Variants in ENTREP2 observed in about 807,000 individuals in gnomAD.
The protein encoded by ENTREP2 is endosomal transmembrane epsin interactor 2.
the ENTREP2 span, among the ~76,000 whole-genome samples, chr15:29,279,315 A>G: frequency 6.6e-6 from 1 of 151,918 alleles, no homozygotes; most frequent in Admixed American, 6.6e-5. Flanking sequence ...GGTCCCTTCC[A>G]TCTCCATATG....
chr15:29,170,272 C>A, the ENTREP2 span, among the ~76,000 whole-genome samples: 1 of 133,692 alleles, frequency 7.5e-6, no homozygotes, highest in South Asian at 2.4e-4. Flanking sequence ...CGTGCCACTG[C>A]ACTCCAGCCT....
the ENTREP2 span, among the ~76,000 whole-genome samples, chr15:29,593,128 T>C: frequency 6.6e-6 from 1 of 152,192 alleles, no homozygotes; most frequent in African/African-American, 2.4e-5. Context: ...TCCAGATCTG[T>C]TACTTACTAG....
chr15:29,552,557 G>A, the ENTREP2 span, among the ~76,000 whole-genome samples: 1 of 151,626 alleles, frequency 6.6e-6, no homozygotes, highest in Non-Finnish European at 1.5e-5. Flanking sequence ...AACATAACAA[G>A]ACCCCATCTC....
At chr15:29,521,242 T>C in the ENTREP2 span, among the ~76,000 whole-genome samples, 1 of 152,210 alleles carries the variant, frequency 6.6e-6, no homozygotes, top group South Asian at 2.1e-4. Flanking sequence ...ACAGAGTTAG[T>C]GTAATTCCAA....
the ENTREP2 span, among the ~76,000 whole-genome samples, chr15:29,160,688 G>T: frequency 8.4e-6 from 1 of 119,482 alleles, no homozygotes; most frequent in Non-Finnish European, 1.6e-5. Context: ...CAGCCTGGGT[G>T]ACAGAGTGAG....
the ENTREP2 span, among the ~76,000 whole-genome samples, chr15:29,549,026 A>G: frequency 2.7e-3 from 404 of 152,328 alleles, 5 homozygotes; most frequent in African/African-American, 9.4e-3. Flanking sequence ...GCTGAGCTCC[A>G]GTTAACTGCA....
the ENTREP2 span, among the ~76,000 whole-genome samples, chr15:29,436,495 G>A: frequency 6.6e-6 from 1 of 152,280 alleles, no homozygotes; most frequent in South Asian, 2.1e-4. Context: ...TCTGTGAGCA[G>A]AGATTTCTTT....
At chr15:29,349,923 T>C in the ENTREP2 span, among the ~76,000 whole-genome samples, 1 of 151,868 alleles carries the variant, frequency 6.6e-6, no homozygotes, top group Admixed American at 6.6e-5. Context: ...TAAATAAAAA[T>C]AATAATTAAT....
chr15:29,161,559 G>C, the ENTREP2 span, among the ~76,000 whole-genome samples: 8 of 152,188 alleles, frequency 5.3e-5, no homozygotes, highest in Non-Finnish European at 1.2e-4. Flanking sequence ...GCAGTTCCTG[G>C]CAGTTTATTT....
chr15:29,400,371 G>C, the ENTREP2 span, among the ~76,000 whole-genome samples: 1 of 152,142 alleles, frequency 6.6e-6, no homozygotes, highest in Non-Finnish European at 1.5e-5. Flanking sequence ...CAATATCAAG[G>C]AATCCTTAAA....
At chr15:29,341,056 A>C in the ENTREP2 span, among the ~76,000 whole-genome samples, 1 of 152,218 alleles carries the variant, frequency 6.6e-6, no homozygotes, top group African/African-American at 2.4e-5. Context: ...CTTCCAGTGA[A>C]GGAGAGAACC....
chr15:29,319,932 A>G, the ENTREP2 span, among the ~76,000 whole-genome samples: 2 of 152,212 alleles, frequency 1.3e-5, no homozygotes. Flanking sequence ...GAACATCACC[A>G]GATTCTCAGG....
the ENTREP2 span, among the ~76,000 whole-genome samples, chr15:29,197,432 C>A: frequency 6.6e-6 from 1 of 151,992 alleles, no homozygotes; most frequent in African/African-American, 2.4e-5. Flanking sequence ...CTCAAAAATA[C>A]GTAAATAAAA....
chr15:29,195,037 G>C, the ENTREP2 span: 1 of 852,222 alleles, frequency 1.2e-6, no homozygotes, highest in Non-Finnish European at 1.4e-6. Context: ...GCAGACCTCA[G>C]GCACTGACCC....
chr15:29,159,458 C>G, the ENTREP2 span, among the ~76,000 whole-genome samples: 1 of 152,202 alleles, frequency 6.6e-6, no homozygotes. Flanking sequence ...GTTGCTACTG[C>G]TAGCTTGGGC....
At chr15:29,355,155 C>G in the ENTREP2 span, among the ~76,000 whole-genome samples, 1 of 152,202 alleles carries the variant, frequency 6.6e-6, no homozygotes, top group East Asian at 1.9e-4. Context: ...CACTCCCTCC[C>G]TGTGCTGTTA....
chr15:29,650,325 G>T, the ENTREP2 span, among the ~76,000 whole-genome samples: 3 of 152,298 alleles, frequency 2.0e-5, no homozygotes, highest in East Asian at 5.8e-4. Flanking sequence ...ACACGCGGTG[G>T]CTCACACCTG....
chr15:29,300,253 T>TGGAC, the ENTREP2 span, among the ~76,000 whole-genome samples: 2 of 143,322 alleles, frequency 1.4e-5, no homozygotes, highest in Admixed American at 1.4e-4. Flanking sequence ...GATGGATGGA[T>TGGAC]GGATGGACGG....
chr15:29,474,986 A>G, the ENTREP2 span, among the ~76,000 whole-genome samples: 1 of 152,130 alleles, frequency 6.6e-6, no homozygotes, highest in South Asian at 2.1e-4. Context: ...TATATAAGGC[A>G]AATGTATGAA....
Sources: gnomAD v4.1 joint callset for allele counts (sites outside exome capture counted in the v4.1 genomes callset) on GRCh38, gnomAD v4.1.1 for gene constraint, MANE v1.5 for transcripts, NCBI Gene and HGNC (gene_info 2026-07-23, HGNC 2026-07-21) for gene names.